Variants in SNX7 observed in about 807,000 individuals in gnomAD.
SNX7 encodes the protein sorting nexin 7.
Under a neutral mutation model 48.4 loss-of-function variants are expected in SNX7, and 35 were observed. That is an observed-to-expected ratio of 0.72 (90% CI 0.55 to 0.96). The LOEUF is 0.96. Ranked by LOEUF, SNX7 falls within the 40% of genes least tolerant of loss-of-function variation. SNX7 has a pLI of 0.00. For missense variants in SNX7, 553 were observed against 548.9 expected, an observed-to-expected ratio of 1.01 and a Z score of -0.07; for synonymous variants, 190 against 190.2, an observed-to-expected ratio of 1.00 and a Z score of 0.01.
chr1:98,701,207 C>G (rs1651729750), intron 6 of SNX7, among the ~76,000 whole-genome samples: 1 of 152,102 alleles, frequency 6.6e-6, no homozygotes, highest in Non-Finnish European at 1.5e-5. Context: ...AACATGAAAT[C>G]AAGAAAACAA....
rs1445078757 is a variant in SNX7, at chr1:98,698,969, A to G, written c.1038+64A>G. 3.4e-6 allele frequency: 5 copies of G among 1,486,514 alleles called. No individual in the cohort carries two copies. In the Admixed American group the frequency reaches 5.4e-5, roughly 16 times the overall value. The allele number at this position is 1,486,514 out of a possible 1,614,324, so 92.1% of individuals were successfully genotyped here. The stretch of plus-strand genomic sequence containing the variant: ...CCTGATTATAAGCTCCATAAAGGCA[A>G]CTGTATTTCTTTTCTTTAAAACCAC... On this transcript the variant is annotated intron_variant, in intron 6 of 8. Coordinates refer to ENST00000306121, the MANE Select transcript of SNX7 (RefSeq NM_015976.5).
intron 1 of SNX7, among the ~76,000 whole-genome samples, chr1:98,676,636 C>T (rs999186870): frequency 6.6e-6 from 1 of 152,120 alleles, no homozygotes; most frequent in Non-Finnish European, 1.5e-5. Flanking sequence ...TGAGTATTAT[C>T]GATGCTTCAA....
Position 98,698,769 on chromosome 1 carries a change from A to T in SNX7, c.902A>T (p.Asp301Val), listed in dbSNP as rs1218179256. The change falls in exon 6 of 9, where the codon GAT (aspartate) becomes GTT (valine). Residue 301 changes from aspartate to valine, a missense_variant. By Grantham distance (152) the Asp-to-Val change is radical (BLOSUM62 -3). Transcript: ENST00000306121. ...ATTCTGTGGTCAGCGTCAGAAGAGG[A>T]TCTGGTTGATACTCTAAAGGATGTT... ...IHILWSASEE[D>V]LVDTLKDVAS... The T allele has an allele frequency of 1.2e-6, 2 of 1,613,346 alleles. No individual in the cohort carries two copies. Among genetic ancestry groups the T allele is most frequent in the Admixed American group, 3.3e-5 (2 of 59,902 alleles).
At chr1:98,747,516 G>A (rs998551228) in intron 8 of SNX7, among the ~76,000 whole-genome samples, 1 of 152,176 alleles carries the variant, frequency 6.6e-6, no homozygotes, top group African/African-American at 2.4e-5. Flanking sequence ...GTCATGGCCA[G>A]TAAGACCATT....
chr1:98,694,882 C>T (rs1651366832), intron 4 of SNX7, among the ~76,000 whole-genome samples: 4 of 151,816 alleles, frequency 2.6e-5, no homozygotes, highest in East Asian at 1.9e-4. Flanking sequence ...ACTGGGATTA[C>T]GGACGTGAGC....
At chr1:98,670,254 A>C (rs1286277417) in intron 1 of SNX7, among the ~76,000 whole-genome samples, 1 of 152,198 alleles carries the variant, frequency 6.6e-6, no homozygotes, top group Non-Finnish European at 1.5e-5. Flanking sequence ...AATCCAAGAT[A>C]ACAATTTAGA....
chr1:98,685,010 A>G lies in SNX7; in HGVS notation c.306A>G (p.Glu102=), dbSNP rs748959455. The change falls in exon 2 of 9, where the codon GAA becomes GAG. Residue 102 remains glutamate, a synonymous_variant. Coordinates refer to ENST00000306121, the MANE Select transcript of SNX7 (RefSeq NM_015976.5). The stretch of plus-strand genomic sequence containing the variant: ...AGGATCTCTTCATCACAGTTGATGA[A>G]CCTGAAAGTCATGTTACTACAATAG... The part of the protein sequence containing the change: ...DLKDLFITVD[E]PESHVTTIET... The G allele has an allele frequency of 6.3e-7, 1 of 1,590,236 alleles. No individual in the cohort carries two copies. Among genetic ancestry groups the G allele is most frequent in the African/African-American group, 1.3e-5 (1 of 74,682 alleles).
chr1:98,748,453 ATAAGTTTTTATGTAGT>A (rs1654415920), intron 8 of SNX7, among the ~76,000 whole-genome samples: 1 of 152,090 alleles, frequency 6.6e-6, no homozygotes, highest in East Asian at 1.9e-4. Context: ...TTTGGGCTAC[ATAAGTTTTTATGTAGT>A]TAATCAGGGA....
intron 8 of SNX7, among the ~76,000 whole-genome samples, chr1:98,751,753 A>G (rs551812022): frequency 6.6e-6 from 1 of 152,252 alleles, no homozygotes; most frequent in South Asian, 2.1e-4. Context: ...GTACTGCACT[A>G]TGAGAGTCAG....
intron 7 of SNX7, among the ~76,000 whole-genome samples, chr1:98,715,932 C>T (rs1490533680): frequency 2.0e-5 from 3 of 151,986 alleles, no homozygotes; most frequent in Admixed American, 1.3e-4. Context: ...CACACACACA[C>T]GTTTTTATAT....
At chr1:98,691,922 C>T (rs1402749484) in intron 4 of SNX7, among the ~76,000 whole-genome samples, 1 of 117,896 alleles carries the variant, frequency 8.5e-6, no homozygotes, top group African/African-American at 3.6e-5. Context: ...TATACACACA[C>T]ACACACACAC....
At chr1:98,695,333 G>C (rs571991401) in intron 4 of SNX7, among the ~76,000 whole-genome samples, 185 bp from the exon 5 acceptor site, 1 of 152,234 alleles carries the variant, frequency 6.6e-6, no homozygotes, top group East Asian at 1.9e-4. Context: ...TATTATTGAG[G>C]CTGCCACTTA....
Position 98,685,007 on chromosome 1 carries a change from T to C in SNX7, c.303T>C (p.Asp101=). ...PDLKDLFITV[D]EPESHVTTIE... ...TAAAGGATCTCTTCATCACAGTTGA[T>C]GAACCTGAAAGTCATGTTACTACAA... The change falls in exon 2 of 9, where the codon GAT becomes GAC. Residue 101 remains aspartate, a synonymous_variant. Coordinates refer to ENST00000306121, the MANE Select transcript of SNX7 (RefSeq NM_015976.5). The C allele has an allele frequency of 6.3e-7, 1 of 1,593,340 alleles. No individual in the cohort carries two copies. The highest frequency in any genetic ancestry group is 2.2e-5 in the East Asian group (1 of 44,556).
In SNX7 at chr1:98,677,870, G is replaced by A. The variant is rs113808530; in HGVS notation, c.181-7015G>A. ...TCCAGCCTGGGTGACAGAGCGAGACGCTGTCTCAAAAAAAAAAAAAAAAAG... is the reference window on the plus strand; with the variant it reads ...TCCAGCCTGGGTGACAGAGCGAGACACTGTCTCAAAAAAAAAAAAAAAAAG... On this transcript the variant is annotated intron_variant, in intron 1 of 8. Transcript: ENST00000306121. Among the ~76,000 whole-genome samples the A allele has an allele frequency of 1.5e-3, 159 of 104,838 alleles. 1 individual carries two copies. The highest frequency in any genetic ancestry group is 0.01 in the Middle Eastern group (2 of 200). The allele number at this position is 104,838 out of a possible 152,430, so 68.8% of individuals were successfully genotyped here.
chr1:98,673,595 C>T (rs190640853), intron 1 of SNX7, among the ~76,000 whole-genome samples: 41 of 152,222 alleles, frequency 2.7e-4, no homozygotes, highest in Admixed American at 6.5e-5. Context: ...CTATTGTATC[C>T]CCAGCCCAGT....
intron 8 of SNX7, among the ~76,000 whole-genome samples, chr1:98,755,116 A>G (rs1008845910): frequency 1.4e-4 from 22 of 152,172 alleles, no homozygotes; most frequent in African/African-American, 4.6e-4. Flanking sequence ...TTTTAAAGAT[A>G]TCTTTCTGGT....
chr1:98,674,648 A>G (rs1269262143), intron 1 of SNX7, among the ~76,000 whole-genome samples: 1 of 152,220 alleles, frequency 6.6e-6, no homozygotes, highest in Non-Finnish European at 1.5e-5. Flanking sequence ...AATTCAACCC[A>G]TAACAAATGC....
At chr1:98,669,724 T>C (rs923627586) in intron 1 of SNX7, among the ~76,000 whole-genome samples, 1 of 152,234 alleles carries the variant, frequency 6.6e-6, no homozygotes, top group Non-Finnish European at 1.5e-5. Flanking sequence ...TTTGTGTAGT[T>C]ATTGTTAGGG....
chr1:98,732,516 G>A (rs1653566144), intron 7 of SNX7, among the ~76,000 whole-genome samples: 1 of 152,144 alleles, frequency 6.6e-6, no homozygotes, highest in Non-Finnish European at 1.5e-5. Context: ...GACCTGTGGA[G>A]ATAATTTAAT....
Sources: allele counts gnomAD v4.1 joint callset (sites outside exome capture counted in the v4.1 genomes callset), GRCh38; gene constraint gnomAD v4.1.1; transcripts MANE v1.5; gene names NCBI Gene and HGNC (gene_info 2026-07-23, HGNC 2026-07-21).